The following SAXO1 variants were observed in gnomAD, a reference collection of about 807,000 sequenced individuals.
SAXO1 encodes 4930500O09Rik.
Under a neutral mutation model 17.5 loss-of-function variants are expected in SAXO1, and 21 were observed. The ratio of observed to expected loss-of-function variants is 1.20; its 90% confidence interval spans 0.85 to 1.72. The LOEUF (loss-of-function observed/expected upper bound fraction) is 1.72, where lower values mean the gene tolerates loss of function less well. SAXO1 is among the 40% of genes most tolerant of loss of function. The pLI is 0.00. For synonymous variants in SAXO1, 274 were observed against 216.5 expected, an observed-to-expected ratio of 1.27 and a Z score of -2.33; for missense variants, 843 against 596.0, an observed-to-expected ratio of 1.41 and a Z score of -4.32.
intron 2 of SAXO1, among the ~76,000 whole-genome samples, chr9:18,948,783 T>A (rs1831902709): frequency 6.6e-6 from 1 of 152,104 alleles, no homozygotes; most frequent in Admixed American, 6.6e-5. Flanking sequence ...CTTCAAAGCA[T>A]CCCTGTCTAT....
intron 1 of SAXO1, among the ~76,000 whole-genome samples, chr9:19,000,334 C>G (rs935650147): frequency 2.0e-5 from 3 of 150,022 alleles, no homozygotes; most frequent in African/African-American, 4.9e-5. Flanking sequence ...CCAGCCACCA[C>G]CCTGTCTGGG....
chr9:18,987,180 T>G (rs1833626681), intron 1 of SAXO1, among the ~76,000 whole-genome samples: 2 of 152,210 alleles, frequency 1.3e-5, no homozygotes, highest in South Asian at 4.1e-4. Flanking sequence ...GACAGTGTCA[T>G]GATTTCATTG....
chr9:18,974,196 G>C (rs546261016), intron 1 of SAXO1, among the ~76,000 whole-genome samples: 2 of 152,314 alleles, frequency 1.3e-5, no homozygotes, highest in South Asian at 2.1e-4. Context: ...GAAGGAGCCA[G>C]GTTCTTATCC....
intron 1 of SAXO1, among the ~76,000 whole-genome samples, chr9:19,029,438 T>C (rs1426509945): frequency 6.6e-6 from 1 of 152,212 alleles, no homozygotes; most frequent in East Asian, 1.9e-4. Flanking sequence ...TCTTCATGCA[T>C]GCTTGTCTTC....
chr9:18,977,213 T>C (rs1444271357), intron 1 of SAXO1, among the ~76,000 whole-genome samples: 2 of 152,218 alleles, frequency 1.3e-5, no homozygotes, highest in African/African-American at 4.8e-5. Context: ...ACAATTCTTT[T>C]ACATACAAAA....
chr9:18,963,381 A>G (rs1257277409), intron 1 of SAXO1, among the ~76,000 whole-genome samples: 1 of 152,196 alleles, frequency 6.6e-6, no homozygotes, highest in African/African-American at 2.4e-5. Context: ...TTGATTCTAT[A>G]AATTACTTTG....
chr9:18,986,642 C>T (rs948417987), intron 1 of SAXO1, among the ~76,000 whole-genome samples: 1 of 152,126 alleles, frequency 6.6e-6, no homozygotes, highest in African/African-American at 2.4e-5. Flanking sequence ...TCCTCATCAT[C>T]GTGTCTACAA....
chr9:18,987,245 C>T (rs1476169568), intron 1 of SAXO1, among the ~76,000 whole-genome samples: 1 of 152,188 alleles, frequency 6.6e-6, no homozygotes, highest in African/African-American at 2.4e-5. Context: ...TCAGATCTCA[C>T]CCCTTCACCC....
Position 18,928,440 on chromosome 9 carries a change from T to C in SAXO1, c.1037A>G (p.Gln346Arg), listed in dbSNP as rs1293556832. 5 of 1,609,930 alleles carry C rather than the reference T, an allele frequency of 3.1e-6. No homozygotes were observed. The highest frequency in any genetic ancestry group is 1.1e-5 in the South Asian group (1 of 90,486). The change falls in exon 4 of 4, where the codon CAG becomes CGG. Residue 346 changes from glutamine (Q) to arginine (R), a missense_variant. Physicochemically the swap from Gln to Arg is conservative, Grantham distance 43. Coordinates refer to ENST00000380534, the MANE Select transcript of SAXO1 (RefSeq NM_153707.4). Reference sequence around the variant, plus strand: ...TGGCTCTGTGCGCATGCTGGACCACTGCTTGTAGTCATCCTTGGTGGTGGA... The same window carrying C: ...TGGCTCTGTGCGCATGCTGGACCACCGCTTGTAGTCATCCTTGGTGGTGGA... ...GSSTTKDDYK[Q>R]WSSMRTEPVK...
intron 1 of SAXO1, among the ~76,000 whole-genome samples, chr9:18,982,611 G>A (rs1474515204): frequency 6.6e-6 from 1 of 152,206 alleles, no homozygotes; most frequent in Non-Finnish European, 1.5e-5. Context: ...TATAACGTCA[G>A]TTGGGAGGGA....
At chr9:18,994,657 G>C (rs1833936361) in intron 1 of SAXO1, among the ~76,000 whole-genome samples, 1 of 152,214 alleles carries the variant, frequency 6.6e-6, no homozygotes, top group Non-Finnish European at 1.5e-5. Context: ...GGCTCAGCAG[G>C]AGCACTCTGC....
At chr9:19,021,860 TA>T (rs1430128154) in intron 1 of SAXO1, among the ~76,000 whole-genome samples, 1 of 151,480 alleles carries the variant, frequency 6.6e-6, no homozygotes, top group East Asian at 1.9e-4. Context: ...CAGCACTCTG[TA>T]AAATGGACCA....
chr9:19,039,105 A>T (rs1217500929), intron 1 of SAXO1, among the ~76,000 whole-genome samples: 1 of 151,990 alleles, frequency 6.6e-6, no homozygotes, highest in Non-Finnish European at 1.5e-5. Flanking sequence ...ACTGCACTCC[A>T]GCCTGGGCAA....
intron 1 of SAXO1, among the ~76,000 whole-genome samples, chr9:18,981,185 G>C (rs1246827933): frequency 1.3e-5 from 2 of 152,184 alleles, no homozygotes; most frequent in African/African-American, 4.8e-5. Context: ...ATTTCTTTGT[G>C]ATTGCGATAA....
intron 1 of SAXO1, among the ~76,000 whole-genome samples, chr9:19,021,876 A>G (rs78881655): frequency 5.7e-5 from 8 of 140,884 alleles, no homozygotes; most frequent in South Asian, 2.2e-4. Flanking sequence ...GGACCAATCA[A>G]CACTCTGTAA....
intron 1 of SAXO1, among the ~76,000 whole-genome samples, chr9:19,028,426 G>T (rs962220649): frequency 4.6e-5 from 7 of 152,092 alleles, no homozygotes; most frequent in African/African-American, 1.7e-4. Flanking sequence ...TCAATAACAG[G>T]AAATGCTGGA....
intron 1 of SAXO1, among the ~76,000 whole-genome samples, chr9:18,961,613 T>C (rs1172269699): frequency 6.6e-6 from 1 of 152,138 alleles, no homozygotes; most frequent in African/African-American, 2.4e-5. Context: ...CTGTGTTAGT[T>C]TGCTGAGAAT....
At chr9:18,996,612 A>G (rs1050676180) in intron 1 of SAXO1, among the ~76,000 whole-genome samples, 1 of 152,214 alleles carries the variant, frequency 6.6e-6, no homozygotes, top group Non-Finnish European at 1.5e-5. Flanking sequence ...ATGCATCTCT[A>G]CAAAAAAAGC....
At chr9:18,958,680 G>A (rs535903146) in intron 1 of SAXO1, among the ~76,000 whole-genome samples, 4 of 152,182 alleles carry the variant, frequency 2.6e-5, no homozygotes, top group South Asian at 2.1e-4. Context: ...ATTAAGCCAC[G>A]CCAGCCAAAA....
Sources: allele counts gnomAD v4.1 joint callset (sites outside exome capture counted in the v4.1 genomes callset), GRCh38; gene constraint gnomAD v4.1.1; transcripts MANE v1.5; gene names NCBI Gene and HGNC (gene_info 2026-07-23, HGNC 2026-07-21).